Variants in CACNA2D3 observed in about 807,000 individuals in gnomAD.
CACNA2D3 encodes the protein calcium voltage-gated channel auxiliary subunit alpha2delta 3.
CACNA2D3 carries 60 observed loss-of-function variants against 160.6 expected under a neutral mutation model. The ratio of observed to expected loss-of-function variants is 0.37; its 90% CI spans 0.30 to 0.46. CACNA2D3 has a LOEUF of 0.46. Among genes scored for constraint, CACNA2D3 ranks in the 20% least tolerant of loss-of-function variants. The pLI is 1.00. For synonymous variants in CACNA2D3, 558 were observed against 492.9 expected (o/e 1.13, Z -1.75); for missense variants, 1,205 against 1,365.0 (o/e 0.88, Z 1.85).
intron 2 of CACNA2D3, among the ~76,000 whole-genome samples, chr3:54,133,415 T>C (rs1189692960): frequency 6.6e-6 from 1 of 152,194 alleles, no homozygotes; most frequent in Non-Finnish European, 1.5e-5. Context: ...CTTGAGCTGT[T>C]GTCAGGTCAG....
chr3:54,480,891 G>A (rs1442770090), intron 4 of CACNA2D3, among the ~76,000 whole-genome samples: 1 of 152,208 alleles, frequency 6.6e-6, no homozygotes, highest in Admixed American at 6.5e-5. Context: ...GAAAGTTGAA[G>A]ATTCATCCAG....
intron 13 of CACNA2D3, among the ~76,000 whole-genome samples, chr3:54,786,412 C>T (rs923479869): frequency 4.6e-5 from 7 of 152,270 alleles, no homozygotes; most frequent in African/African-American, 1.4e-4. Flanking sequence ...CTTCTGCAGT[C>T]CTTTAAGTCT....
intron 13 of CACNA2D3, among the ~76,000 whole-genome samples, chr3:54,813,269 A>T (rs550927129): frequency 6.6e-6 from 1 of 152,254 alleles, no homozygotes; most frequent in Non-Finnish European, 1.5e-5. Context: ...GAGGAAATAG[A>T]CCCAGCAAGG....
At chr3:54,828,713 A>G (rs1161929495) in intron 14 of CACNA2D3, among the ~76,000 whole-genome samples, 2 of 152,334 alleles carry the variant, frequency 1.3e-5, no homozygotes, top group East Asian at 3.9e-4. Context: ...TTTAGCTCAT[A>G]CAAGATGCAG....
chr3:54,303,818 G>GTTTTTTGTTTTTTTTTTTTTTTT (rs59534343), intron 2 of CACNA2D3, among the ~76,000 whole-genome samples: 3 of 115,014 alleles, frequency 2.6e-5, no homozygotes, highest in Non-Finnish European at 1.7e-5. Flanking sequence ...CTTTTTTTCT[G>GTTTTTTGTTTTTTTTTTTTTTTT]TTTTTTTTTT....
intron 2 of CACNA2D3, among the ~76,000 whole-genome samples, chr3:54,229,218 G>C (rs1031589731): frequency 1.3e-5 from 2 of 150,540 alleles, no homozygotes; most frequent in Non-Finnish European, 3.0e-5. Flanking sequence ...TTGAGACGGA[G>C]TCTCGCTCTG....
chr3:54,922,671 T>C (rs148067444), intron 27 of CACNA2D3, among the ~76,000 whole-genome samples: 3 of 152,294 alleles, frequency 2.0e-5, no homozygotes, highest in Admixed American at 1.3e-4. Context: ...CCCTAATTCA[T>C]GTCTGTAGCT....
chr3:54,812,565 G>A (rs1341202471), intron 13 of CACNA2D3, among the ~76,000 whole-genome samples: 2 of 152,112 alleles, frequency 1.3e-5, no homozygotes, highest in Admixed American at 6.6e-5. Flanking sequence ...ATGGTGGCTG[G>A]GTTCTCTGTC....
chr3:54,900,946 C>A (rs982062088), intron 27 of CACNA2D3, among the ~76,000 whole-genome samples: 4 of 152,160 alleles, frequency 2.6e-5, no homozygotes, highest in African/African-American at 9.7e-5. Context: ...CTGGGTGTGA[C>A]AAGGATGACA....
At chr3:54,931,294 C>T (rs1010132705) in intron 27 of CACNA2D3, among the ~76,000 whole-genome samples, 2 of 152,114 alleles carry the variant, frequency 1.3e-5, no homozygotes, top group Non-Finnish European at 2.9e-5. Context: ...CATGCTGACC[C>T]CAATTGGGGG....
At chr3:54,695,897 T>G (rs1700655673) in intron 11 of CACNA2D3, among the ~76,000 whole-genome samples, 1 of 152,240 alleles carries the variant, frequency 6.6e-6, no homozygotes, top group African/African-American at 2.4e-5. Flanking sequence ...TGTCAAAGTT[T>G]AAAAATGTTG....
intron 27 of CACNA2D3, among the ~76,000 whole-genome samples, chr3:54,904,857 A>G (rs1014886438): frequency 1.3e-5 from 2 of 152,228 alleles, no homozygotes; most frequent in Non-Finnish European, 2.9e-5. Context: ...ACTCCAGTCC[A>G]TACTATAGTA....
chr3:54,714,832 A>C (rs746672478), intron 11 of CACNA2D3, among the ~76,000 whole-genome samples: 4 of 152,230 alleles, frequency 2.6e-5, no homozygotes, highest in Non-Finnish European at 4.4e-5. Flanking sequence ...CTGAGTGTCC[A>C]TCAACATGTG....
intron 3 of CACNA2D3, among the ~76,000 whole-genome samples, chr3:54,386,514 A>G (rs1312577073): frequency 1.3e-5 from 2 of 152,178 alleles, no homozygotes; most frequent in African/African-American, 2.4e-5. Flanking sequence ...TATTTATTGG[A>G]AGAATTATTG....
At chr3:54,736,028 T>C (rs1290646903) in intron 11 of CACNA2D3, among the ~76,000 whole-genome samples, 11 of 51,436 alleles carry the variant, frequency 2.1e-4, no homozygotes, top group South Asian at 1.0e-3. Context: ...CACATACATA[T>C]ATATATGTAT....
intron 2 of CACNA2D3, among the ~76,000 whole-genome samples, chr3:54,162,551 G>A (rs529502704): frequency 6.6e-6 from 1 of 152,236 alleles, no homozygotes; most frequent in South Asian, 2.1e-4. Flanking sequence ...AAATCCTTTG[G>A]CATCACTTAT....
intron 5 of CACNA2D3, among the ~76,000 whole-genome samples, chr3:54,512,462 C>A (rs1701474806): frequency 6.6e-6 from 1 of 152,194 alleles, no homozygotes; most frequent in African/African-American, 2.4e-5. Context: ...CACCGGGTCC[C>A]CCACAGTGGC....
intron 9 of CACNA2D3, among the ~76,000 whole-genome samples, chr3:54,625,877 AT>A (rs1699087327): frequency 1.3e-5 from 2 of 152,140 alleles, no homozygotes; most frequent in Admixed American, 1.3e-4. Context: ...TTCCGTGATC[AT>A]TTTGGGGGTC....
At chr3:54,422,677 T>C (rs1331186863) in intron 4 of CACNA2D3, among the ~76,000 whole-genome samples, 1 of 152,162 alleles carries the variant, frequency 6.6e-6, no homozygotes, top group Admixed American at 6.5e-5. Context: ...ATGATGATGA[T>C]GATGATGATA....
Sources: gnomAD v4.1 joint callset for allele counts (sites outside exome capture counted in the v4.1 genomes callset) on GRCh38, gnomAD v4.1.1 for gene constraint, MANE v1.5 for transcripts, NCBI Gene and HGNC (gene_info 2026-07-23, HGNC 2026-07-21) for gene names.